ABCC11: variants seen among roughly 807,000 people sequenced by gnomAD.
ABCC11 encodes ATP binding cassette subfamily C member 11, also known as ATP-binding cassette sub-family C member 11.
ABCC11 carries 135 observed loss-of-function variants against 149.3 expected under a neutral mutation model. The ratio of observed to expected loss-of-function variants is 0.90; its 90% CI spans 0.79 to 1.04. ABCC11 has a LOEUF of 1.04. Among genes scored for constraint, ABCC11 ranks in the 50% least tolerant of loss-of-function variants. ABCC11 has a pLI of 0.00. For missense variants in ABCC11, 1,680 were observed against 1,722.1 expected, an observed-to-expected ratio of 0.98 and a Z score of 0.43; for synonymous variants, 665 against 671.4, an observed-to-expected ratio of 0.99 and a Z score of 0.15.
chr16:48,182,232 G>GCACATACATGCACTCCTA (rs1356329118), intron 23 of ABCC11, among the ~76,000 whole-genome samples: 2 of 152,208 alleles, frequency 1.3e-5, no homozygotes, highest in Admixed American at 6.5e-5. Context: ...ATGTGCTCCT[G>GCACATACATGCACTCCTA]CACATACATG....
Position 48,175,612 on chromosome 16 carries a change from C to G in ABCC11, c.3539-195G>C, listed in dbSNP as rs1042166936. 8.5e-5 allele frequency among the ~76,000 whole-genome samples: 13 copies of G among 152,176 alleles called. 1 individual carries two copies. The highest frequency in any genetic ancestry group is 7.9e-4 in the Admixed American group (12 of 15,280). On this transcript the variant is annotated intron_variant, in intron 25 of 29. Coordinates refer to ENST00000356608, the MANE Select transcript of ABCC11 (RefSeq NM_001370497.1). ...TAATGCCATGAGCAGCTTGTTACAG[C>G]CTAGATCAGAGGGCACACGTGGGGC...
intron 1 of ABCC11, among the ~76,000 whole-genome samples, chr16:48,236,579 T>C (rs1266746514): frequency 6.6e-6 from 1 of 152,222 alleles, no homozygotes; most frequent in African/African-American, 2.4e-5. Context: ...ACATAGTATA[T>C]GCATAACAAA....
chr16:48,210,739 C>CA, intron 11 of ABCC11: 11 of 744,494 alleles, frequency 1.5e-5, no homozygotes, highest in East Asian at 2.8e-5. Context: ...TTACCTAAGC[C>CA]AAAAAAATTT....
rs558256310 is a variant in ABCC11 at position 48,211,801 on chromosome 16, C to G, written c.1357-602G>C. ...AGGTGATCATCAGCAGGTCAATTCTCTCTGCATCTCCAGCTCCCTGTCTAT... is the reference window on the plus strand; with the variant it reads ...AGGTGATCATCAGCAGGTCAATTCTGTCTGCATCTCCAGCTCCCTGTCTAT... On this transcript the variant is annotated intron_variant, in intron 10 of 29. Transcript: ENST00000356608. Among the ~76,000 whole-genome samples, 625 of 152,348 alleles carry G rather than the reference C, an allele frequency of 4.1e-3. 5 individuals carry two copies. Among genetic ancestry groups the G allele is most frequent in the Non-Finnish European group, 4.7e-3 (322 of 68,034 alleles).
At chr16:48,244,197 C>G (rs535378680) in intron 1 of ABCC11, 1 of 510,324 alleles carries the variant, frequency 2.0e-6, no homozygotes, top group East Asian at 3.5e-5. Flanking sequence ...AGGTAGGACG[C>G]TCAAGTCTTA....
At chr16:48,175,785 C>T (rs1301287630) in intron 25 of ABCC11, among the ~76,000 whole-genome samples, 1 of 152,110 alleles carries the variant, frequency 6.6e-6, no homozygotes, top group Non-Finnish European at 1.5e-5. Flanking sequence ...GAATTGGCAA[C>T]ACTGGACCCA....
chr16:48,177,171 C>A, intron 24 of ABCC11, 58 bp from the exon 25 acceptor site: 1 of 1,527,922 alleles, frequency 6.5e-7, no homozygotes, highest in South Asian at 1.3e-5. Context: ...GGCCCATCCC[C>A]TGCGGGCCTG....
chr16:48,218,627 C>T (rs577590846), intron 6 of ABCC11, among the ~76,000 whole-genome samples: 218 of 152,246 alleles, frequency 1.4e-3, no homozygotes, highest in Non-Finnish European at 1.8e-3. Context: ...AATTGTAGCT[C>T]CCACAATCAC....
At chr16:48,228,377 T>C (rs932568109) in intron 3 of ABCC11, among the ~76,000 whole-genome samples, 3 of 152,052 alleles carry the variant, frequency 2.0e-5, no homozygotes, top group African/African-American at 7.2e-5. Flanking sequence ...GTGGATCACC[T>C]GAGGTCAGGA....
intron 26 of ABCC11, among the ~76,000 whole-genome samples, chr16:48,172,304 T>C (rs918670914): frequency 6.6e-6 from 1 of 152,252 alleles, no homozygotes; most frequent in African/African-American, 2.4e-5. Context: ...ACCTTTTGAT[T>C]ACTGTGAGTA....
In ABCC11 at chr16:48,192,627, C is replaced by T. The variant is rs373133708; in HGVS notation, c.2599G>A (p.Gly867Arg). The change falls in exon 20 of 30, where the codon GGG becomes AGG. Residue 867 changes from glycine (G) to arginine (R), a missense_variant. By Grantham distance (125) the Gly-to-Arg change is moderately radical (BLOSUM62 -2). Coordinates refer to ENST00000356608, the MANE Select transcript of ABCC11 (RefSeq NM_001370497.1). Reference sequence around the variant, plus strand: ...CAGATGAGGAGCAGGGCGTTGAGCCCGTACACCAGCTGGTAGAAGGACAGT... The same window carrying T: ...CAGATGAGGAGCAGGGCGTTGAGCCTGTACACCAGCTGGTAGAAGGACAGT... ...PQLSFYQLVY[G>R]LNALLLICVG... 6.1e-5 allele frequency: 98 copies of T among 1,614,026 alleles called. No individual in the cohort carries two copies. Among genetic ancestry groups the T allele is most frequent in the Admixed American group, 1.2e-4 (7 of 60,004 alleles).
In ABCC11 at chr16:48,208,413, C is replaced by G; in HGVS notation, c.1680+12G>C. The G allele has an allele frequency of 3.1e-6, 5 of 1,614,046 alleles. No individual in the cohort carries two copies. Among genetic ancestry groups the G allele is most frequent in the Non-Finnish European group, 4.2e-6 (5 of 1,179,928 alleles). The stretch of plus-strand genomic sequence containing the variant: ...CTGCAGACAGGCAAGCATGTGGCCA[C>G]AGATCACTTACCTCCTCCAGGATGG... On this transcript the variant is annotated intron_variant, in intron 12 of 29. Coordinates refer to ENST00000356608, the MANE Select transcript of ABCC11 (RefSeq NM_001370497.1).
In ABCC11 at chr16:48,199,322, G is replaced by A. The variant is rs1967724131; in HGVS notation, c.2082+954C>T. Among the ~76,000 whole-genome samples, 3 of 152,010 alleles carry A rather than the reference G, an allele frequency of 2.0e-5. No homozygotes were observed. The South Asian group carries it at 6.2e-4, about 32-fold the overall frequency. ...TGGAGAGTGGAATCAATGTTTTATTGTTTAATCTGGGTGGTAGATACATGG... is the reference window on the plus strand; with the variant it reads ...TGGAGAGTGGAATCAATGTTTTATTATTTAATCTGGGTGGTAGATACATGG... On this transcript the variant is annotated intron_variant, in intron 15 of 29. Coordinates refer to ENST00000356608, the MANE Select transcript of ABCC11 (RefSeq NM_001370497.1).
At chr16:48,184,729 C>T (rs1229138757) in intron 22 of ABCC11, 103 bp from the exon 23 acceptor site, 4 of 1,193,498 alleles carry the variant, frequency 3.4e-6, no homozygotes, top group Admixed American at 2.4e-5. Flanking sequence ...CAGTTCCCCA[C>T]TCCCAGCAGC....
intron 1 of ABCC11, among the ~76,000 whole-genome samples, chr16:48,236,032 C>A (rs1335597632): frequency 6.6e-6 from 1 of 152,162 alleles, no homozygotes; most frequent in Non-Finnish European, 1.5e-5. Context: ...GGGCAAGGAG[C>A]CAGAAGCACC....
intron 11 of ABCC11, 56 bp from the exon 12 acceptor site, chr16:48,208,552 C>T: frequency 6.3e-7 from 1 of 1,594,958 alleles, no homozygotes; most frequent in Non-Finnish European, 8.6e-7. Context: ...GGCATACCCA[C>T]CTGCCCATGG....
chr16:48,241,929 A>G (rs1456528535), intron 1 of ABCC11, among the ~76,000 whole-genome samples: 2 of 152,258 alleles, frequency 1.3e-5, no homozygotes, highest in Non-Finnish European at 2.9e-5. Context: ...TTAGACCTAA[A>G]ACCATAAAAT....
intron 22 of ABCC11, among the ~76,000 whole-genome samples, chr16:48,186,105 T>C (rs1384465932): frequency 6.6e-6 from 1 of 152,140 alleles, no homozygotes; most frequent in African/African-American, 2.4e-5. Flanking sequence ...ATCCCCTCAG[T>C]CCTAGAGTCT....
chr16:48,192,379 G>T, intron 20 of ABCC11, 141 bp downstream of exon 20: 1 of 909,540 alleles, frequency 1.1e-6, no homozygotes. Flanking sequence ...GGAAGGTGGA[G>T]GTTGCCATGA....
Sources: gnomAD v4.1 joint callset for allele counts (sites outside exome capture counted in the v4.1 genomes callset) on GRCh38, gnomAD v4.1.1 for gene constraint, MANE v1.5 for transcripts, NCBI Gene and HGNC (gene_info 2026-07-23, HGNC 2026-07-21) for gene names.